DPH7: variants seen among roughly 807,000 people sequenced by gnomAD.
DPH7 encodes diphthine methyltransferase.
In DPH7, 44 loss-of-function variants were observed where a neutral mutation model predicts 41.7. The ratio of observed to expected loss-of-function variants is 1.05; its 90% CI spans 0.83 to 1.36. The LOEUF (loss-of-function observed/expected upper bound fraction) is 1.36, where lower values mean the gene tolerates loss of function less well. Among genes scored for constraint, DPH7 ranks in the 40% most tolerant of loss-of-function variants. The probability of loss-of-function intolerance (pLI) is 0.00; values close to 1 mark genes in which losing one functional copy is unlikely to be tolerated. For missense variants in DPH7, 629 were observed against 577.5 expected (o/e 1.09, Z -0.91); for synonymous variants, 275 against 238.0 (o/e 1.16, Z -1.43).
chr9:137,555,386 C>T lies in DPH7; in HGVS notation c.1212G>A (p.Arg404=), dbSNP rs1457437624. The T allele has an allele frequency of 6.2e-7, 1 of 1,614,210 alleles. No individual in the cohort carries two copies. Among genetic ancestry groups the T allele is most frequent in the South Asian group, 1.1e-5 (1 of 91,084 alleles). ...SGMKPLTEGM[R]KNGTWLQATA... The stretch of plus-strand genomic sequence containing the variant: ...TAGCCTGCAGCCAGGTGCCATTCTT[C>T]CTCATGCCCTCTGTGAGTGGCTTCA... The change falls in exon 9 of 9, where the codon AGG becomes AGA. Residue 404 remains arginine (R), a synonymous_variant. Coordinates refer to ENST00000277540, the MANE Select transcript of DPH7 (RefSeq NM_138778.5).
chr9:137,578,144 G>A (rs889059336), intron 1 of DPH7: 4 of 182,266 alleles, frequency 2.2e-5, no homozygotes, highest in African/African-American at 9.5e-5. Context: ...GGGTGACAGT[G>A]CAAGACCTTG....
chr9:137,555,502 C>T lies in DPH7; in HGVS notation c.1096G>A (p.Asp366Asn). The T allele has an allele frequency of 6.2e-7, 1 of 1,614,164 alleles. No individual in the cohort carries two copies. The highest frequency in any genetic ancestry group is 8.5e-7 in the Non-Finnish European group (1 of 1,180,018). ...GGCAACTCGCTTGCACCCTTCAGGT[C>T]TGCCGTCTTGGTTCCTAGGTTGCTA... ...FPSNLGTKTADLKGASELPTP... is the reference protein window; with the variant it reads ...FPSNLGTKTANLKGASELPTP... The change falls in exon 9 of 9, where the codon GAC becomes AAC. Residue 366 changes from aspartate (D) to asparagine (N), a missense_variant. Coordinates refer to ENST00000277540, the MANE Select transcript of DPH7 (RefSeq NM_138778.5).
Position 137,577,607 on chromosome 9 carries a change from C to A in DPH7, c.154-4G>T, listed in dbSNP as rs779160811. The A allele has an allele frequency of 1.2e-6, 2 of 1,610,386 alleles. No homozygotes were observed. The highest frequency in any genetic ancestry group is 1.7e-6 in the Non-Finnish European group (2 of 1,178,732). On this transcript the variant is annotated splice_region_variant and splice_polypyrimidine_tract_variant and intron_variant, in intron 1 of 8. Transcript: ENST00000277540. ...GCTCCTTAACTTCCATTCCACCCTA[C>A]AAAAAATGCAGAGGTAGTCTCTGAT...
At chr9:137,576,695 C>A (rs904235473) in intron 2 of DPH7, among the ~76,000 whole-genome samples, 2 of 152,122 alleles carry the variant, frequency 1.3e-5, no homozygotes, top group African/African-American at 4.8e-5. Flanking sequence ...TCAAGACCAT[C>A]CTAATAACAT....
chr9:137,578,726 A>C lies in DPH7; in HGVS notation c.52T>G (p.Ser18Ala). Reference protein sequence around the residue: ...QTVDTELTADSVEWCPLQGCR... With the variant: ...QTVDTELTADAVEWCPLQGCR... ...CCTTGCAGCGGGCACCACTCCACCGAGTCCGCGGTCAGCTCGGTGTCCACC... is the reference window on the plus strand; with the variant it reads ...CCTTGCAGCGGGCACCACTCCACCGCGTCCGCGGTCAGCTCGGTGTCCACC... The change falls in exon 1 of 9, where the codon TCG becomes GCG. Residue 18 changes from serine (S) to alanine (A), a missense_variant. Coordinates refer to ENST00000277540, the MANE Select transcript of DPH7 (RefSeq NM_138778.5). 1 of 1,529,874 alleles carries C rather than the reference A, an allele frequency of 6.5e-7. No homozygotes were observed. Among genetic ancestry groups the C allele is most frequent in the African/African-American group, 1.4e-5 (1 of 70,052 alleles). 94.8% of individuals were successfully genotyped at this position (1,529,874 alleles called of 1,614,324 possible).
Position 137,574,191 on chromosome 9 carries a change from G to A in DPH7, c.640+17C>T, listed in dbSNP as rs751924195. Reference sequence around the variant, plus strand: ...AGCAAGCCTTCCATCAGAGGTGACCGGTGGAGGAATACTGACCTGAATACA... The same window carrying A: ...AGCAAGCCTTCCATCAGAGGTGACCAGTGGAGGAATACTGACCTGAATACA... On this transcript the variant is annotated intron_variant, in intron 5 of 8. Coordinates refer to ENST00000277540, the MANE Select transcript of DPH7 (RefSeq NM_138778.5). The A allele has an allele frequency of 2.3e-5, 37 of 1,610,828 alleles. No homozygotes were observed. Among genetic ancestry groups the A allele is most frequent in the East Asian group, 4.5e-5 (2 of 44,838 alleles).
chr9:137,562,669 G>A (rs111726169), intron 8 of DPH7, among the ~76,000 whole-genome samples: 4 of 152,156 alleles, frequency 2.6e-5, no homozygotes, highest in Non-Finnish European at 5.9e-5. Flanking sequence ...GGGAGGCTGA[G>A]GTGGAAGGAT....
At chr9:137,570,202 C>T (rs142253597) in intron 5 of DPH7, among the ~76,000 whole-genome samples, 15 of 141,774 alleles carry the variant, frequency 1.1e-4, no homozygotes, top group South Asian at 1.0e-3. Flanking sequence ...ATAGACACTA[C>T]GGATACACAG....
intron 2 of DPH7, 64 bp downstream of exon 2, chr9:137,577,406 A>G: frequency 1.9e-6 from 3 of 1,540,350 alleles, no homozygotes; most frequent in Non-Finnish European, 2.7e-6. Flanking sequence ...GGCATCAGGC[A>G]TCAGGCTTCC....
At position 137,554,966 on chromosome 9, in the gene DPH7, AAAATCTGCCTGAGAAACTTAAC is replaced by A; in HGVS notation, c.*251_*272del. 1 of 389,360 alleles carries A rather than the reference AAAATCTGCCTGAGAAACTTAAC, an allele frequency of 2.6e-6. No homozygotes were observed. Among genetic ancestry groups the A allele is most frequent in the South Asian group, 8.9e-5 (1 of 11,252 alleles). The allele number at this position is 389,360 out of a possible 1,614,324, so 24.1% of individuals were successfully genotyped here. ...AAACAAGTATGAAAGGCTGAAAGTC[AAAATCTGCCTGAGAAACTTAAC>A]AAATCTGCAAGCTGGAAACCGCGTC... On this transcript the variant is annotated 3_prime_UTR_variant, in exon 9 of 9. Coordinates refer to ENST00000277540, the MANE Select transcript of DPH7 (RefSeq NM_138778.5).
rs1837208532 is a variant in DPH7, at chr9:137,554,940, TAAAC to T, written c.*295_*298del. On this transcript the variant is annotated 3_prime_UTR_variant, in exon 9 of 9. Coordinates refer to ENST00000277540, the MANE Select transcript of DPH7 (RefSeq NM_138778.5). Reference sequence around the variant, plus strand: ...ACTTCATTTAATACAAATAGTTGCTTAAACAAGTATGAAAGGCTGAAAGTCAAAA... The same window carrying T: ...ACTTCATTTAATACAAATAGTTGCTTAAGTATGAAAGGCTGAAAGTCAAAA... The T allele has an allele frequency of 3.0e-6, 1 of 329,974 alleles. No individual in the cohort carries two copies. Among genetic ancestry groups the T allele is most frequent in the Non-Finnish European group, 5.5e-6 (1 of 182,786 alleles). The allele number at this position is 329,974 out of a possible 1,614,324, so 20.4% of individuals were successfully genotyped here.
chr9:137,576,821 C>A (rs963053807), intron 2 of DPH7, among the ~76,000 whole-genome samples: 1 of 151,310 alleles, frequency 6.6e-6, no homozygotes, highest in African/African-American at 2.4e-5. Context: ...ACTCAGGAGG[C>A]GGAGCTTGCA....
At chr9:137,555,692 A>G (rs1162126215) in intron 8 of DPH7, 44 bp from the exon 9 acceptor site, 2 of 1,536,782 alleles carry the variant, frequency 1.3e-6, no homozygotes, top group African/African-American at 2.7e-5. Flanking sequence ...AACATCACCC[A>G]GAGCCTCTCC....
At chr9:137,555,896 C>T (rs1164931531) in intron 8 of DPH7, among the ~76,000 whole-genome samples, 3 of 152,230 alleles carry the variant, frequency 2.0e-5, no homozygotes, top group African/African-American at 7.2e-5. Context: ...GCTACAGAAC[C>T]TCACTTGATG....
At chr9:137,575,234 G>A (rs1042635869) in intron 3 of DPH7, 25 of 1,001,132 alleles carry the variant, frequency 2.5e-5, no homozygotes, top group East Asian at 1.1e-4. Flanking sequence ...CTCGCCTCCC[G>A]AGACAGAGAC....
At chr9:137,573,552 G>A (rs1422138516) in intron 5 of DPH7, among the ~76,000 whole-genome samples, 5 of 148,542 alleles carry the variant, frequency 3.4e-5, no homozygotes, top group East Asian at 2.0e-4. Context: ...ACATGGTGGC[G>A]GGTGCCTGTA....
At chr9:137,578,017 C>G (rs984922059) in intron 1 of DPH7, 1 of 985,198 alleles carries the variant, frequency 1.0e-6, no homozygotes, top group East Asian at 1.1e-4. Flanking sequence ...AGACGTTCTG[C>G]TCTCAAGATT....
At chr9:137,565,244 G>C in intron 5 of DPH7, 90 bp from the exon 6 acceptor site, 1 of 1,270,110 alleles carries the variant, frequency 7.9e-7, no homozygotes. Flanking sequence ...GAAGCTCCCC[G>C]GGGTGACTGT....
rs1564394226 is a variant in DPH7, at chr9:137,555,561, C to CT, written c.1036_1037insA (p.Arg346GlnfsTer13). On this transcript the variant is annotated frameshift_variant, in exon 9 of 9. Transcript: ENST00000277540. LOFTEE classifies it low-confidence loss of function (END_TRUNC). The stretch of plus-strand genomic sequence containing the variant: ...CCACGAGGGGGCCCGCTGCAGAGAA[C>CT]GGAAGAGCAGCCAGGACCAGTCGGC... 3.7e-6 allele frequency: 6 copies of CT among 1,613,744 alleles called. No homozygotes were observed. Among genetic ancestry groups the CT allele is most frequent in the Non-Finnish European group, 5.1e-6 (6 of 1,179,980 alleles).
Sources: gnomAD v4.1 joint callset for allele counts (sites outside exome capture counted in the v4.1 genomes callset) on GRCh38, gnomAD v4.1.1 for gene constraint, MANE v1.5 for transcripts, NCBI Gene and HGNC (gene_info 2026-07-23, HGNC 2026-07-21) for gene names.